The following XKR6 variants were observed in gnomAD, a reference collection of about 807,000 sequenced individuals.
The protein encoded by XKR6 is XK-related protein 6.
In XKR6, 22 loss-of-function variants were observed where a neutral mutation model predicts 56.7. That is an observed-to-expected ratio of 0.39 (90% confidence interval 0.28 to 0.55). XKR6 has a LOEUF of 0.55. Ranked by LOEUF, XKR6 falls within the 20% of genes least tolerant of loss-of-function variation. The pLI, the probability that XKR6 is intolerant of heterozygous loss-of-function variation, is 0.66. For missense variants in XKR6, 852 were observed against 889.0 expected, an observed-to-expected ratio of 0.96 and a Z score of 0.53; for synonymous variants, 524 against 387.8, an observed-to-expected ratio of 1.35 and a Z score of -4.13.
At chr8:11,139,742 C>T (rs1169788572) in intron 1 of XKR6, among the ~76,000 whole-genome samples, 2 of 152,208 alleles carry the variant, frequency 1.3e-5, no homozygotes, top group East Asian at 3.8e-4. Flanking sequence ...GGGGCTGTAA[C>T]AGGGCAGTGT....
intron 1 of XKR6, among the ~76,000 whole-genome samples, chr8:10,984,732 C>CTCTCTCTCTCTCTCTCTCTCTATATATA: frequency 3.8e-4 from 18 of 47,484 alleles, no homozygotes; most frequent in Non-Finnish European, 7.1e-4. Flanking sequence ...CTCTCTCTCT[C>CTCTCTCTCTCTCTCTCTCTCTATATATA]TATATATATA....
rs189089652 is a variant in XKR6 at position 11,112,144 on chromosome 8, T to C, written c.764+88432A>G. On this transcript the variant is annotated intron_variant, in intron 1 of 2. Transcript: ENST00000416569. ...ATAGAGTATTTACTGGGTCAAAATA[T>C]CTCCACATTCATAATTTGAGCCTTT... Among the ~76,000 whole-genome samples, 453 of 152,316 alleles carry C rather than the reference T, an allele frequency of 3.0e-3. 2 individuals carry two copies. Among genetic ancestry groups the C allele is most frequent in the Admixed American group, 4.3e-3 (66 of 15,300 alleles).
At chr8:11,179,329 G>T (rs1244628249) in intron 1 of XKR6, among the ~76,000 whole-genome samples, 2 of 152,030 alleles carry the variant, frequency 1.3e-5, no homozygotes, top group African/African-American at 4.8e-5. Flanking sequence ...GGTAATACTG[G>T]ACTTTAGCCA....
chr8:11,060,184 C>T (rs1799794338), intron 1 of XKR6, among the ~76,000 whole-genome samples: 1 of 152,170 alleles, frequency 6.6e-6, no homozygotes, highest in African/African-American at 2.4e-5. Context: ...ACCCCAAGTT[C>T]TGGGCTTAGG....
chr8:10,908,225 G>A (rs1001390403), intron 2 of XKR6, among the ~76,000 whole-genome samples: 3 of 152,166 alleles, frequency 2.0e-5, no homozygotes, highest in South Asian at 2.1e-4. Context: ...CACATGCAAC[G>A]AGCATGAAGG....
At chr8:11,190,204 A>G (rs776255277) in intron 1 of XKR6, among the ~76,000 whole-genome samples, 54 of 120,978 alleles carry the variant, frequency 4.5e-4, no homozygotes, top group Middle Eastern at 4.2e-3. Context: ...AGAAAGAAAG[A>G]AAAGAAAGAA....
At chr8:10,943,607 C>A (rs1395083459) in intron 1 of XKR6, among the ~76,000 whole-genome samples, 1 of 152,192 alleles carries the variant, frequency 6.6e-6, no homozygotes, top group Non-Finnish European at 1.5e-5. Flanking sequence ...CGCTCGTCCT[C>A]CCGTAGCTAC....
intron 1 of XKR6, among the ~76,000 whole-genome samples, chr8:10,964,420 G>C (rs898656992): frequency 2.0e-5 from 3 of 152,154 alleles, no homozygotes; most frequent in African/African-American, 7.2e-5. Flanking sequence ...CCACTCACAA[G>C]TGACGTTCCT....
In XKR6 at chr8:10,955,924, T is replaced by G. The variant is rs114945760; in HGVS notation, c.765-31094A>C. Among the ~76,000 whole-genome samples the G allele has an allele frequency of 8.9e-3, 1,350 of 152,342 alleles. 21 individuals carry two copies. The highest frequency in any genetic ancestry group is 0.03 in the African/African-American group (1,240 of 41,570). ...GAGGGAAGCTGTGGCCATGGGGCGA[T>G]TCCTTGTTGCCCTGGGCTTCAGGGC... On this transcript the variant is annotated intron_variant, in intron 1 of 2. Transcript: ENST00000416569.
chr8:11,110,092 C>A (rs934865505), intron 1 of XKR6, among the ~76,000 whole-genome samples: 11 of 152,162 alleles, frequency 7.2e-5, no homozygotes, highest in Non-Finnish European at 1.2e-4. Flanking sequence ...CCTGCCTTAG[C>A]CTCCTGAGTA....
At chr8:11,165,930 C>A (rs1287500767) in intron 1 of XKR6, among the ~76,000 whole-genome samples, 1 of 145,348 alleles carries the variant, frequency 6.9e-6, no homozygotes, top group Non-Finnish European at 1.5e-5. Flanking sequence ...TGGATACATT[C>A]ATGTATATAT....
intron 1 of XKR6, among the ~76,000 whole-genome samples, chr8:11,024,147 T>A (rs2129149436): frequency 6.6e-6 from 1 of 152,036 alleles, no homozygotes; most frequent in Non-Finnish European, 1.5e-5. Flanking sequence ...CCCTCAAGTT[T>A]AAATGAGATA....
chr8:11,097,957 A>G (rs1339639683), intron 1 of XKR6, among the ~76,000 whole-genome samples: 1 of 152,012 alleles, frequency 6.6e-6, no homozygotes, highest in African/African-American at 2.4e-5. Context: ...AAATAATCAC[A>G]TGCCCATCAA....
intron 1 of XKR6, among the ~76,000 whole-genome samples, chr8:11,040,799 A>T (rs1799267376): frequency 6.6e-6 from 1 of 152,094 alleles, no homozygotes; most frequent in East Asian, 1.9e-4. Flanking sequence ...CAACACATGC[A>T]TTTGGGGGAC....
intron 1 of XKR6, chr8:11,123,909 C>T: frequency 4.4e-6 from 2 of 456,234 alleles, no homozygotes; most frequent in South Asian, 3.1e-5. Context: ...TTCCCTCCCT[C>T]ATGATGTTCT....
intron 1 of XKR6, among the ~76,000 whole-genome samples, chr8:10,954,694 T>C (rs11996961): frequency 0.19 from 28,384 of 152,012 alleles, 3,694 homozygotes; most frequent in African/African-American, 0.37. Context: ...TCTTTTGTCA[T>C]TTGTGCTTTT....
At chr8:11,051,215 G>T (rs1799539314) in intron 1 of XKR6, among the ~76,000 whole-genome samples, 2 of 151,734 alleles carry the variant, frequency 1.3e-5, no homozygotes, top group African/African-American at 4.8e-5. Context: ...CTTCTTCCTG[G>T]TTTGCTTCTA....
chr8:11,133,552 G>A (rs527350115), intron 1 of XKR6, among the ~76,000 whole-genome samples: 5 of 152,118 alleles, frequency 3.3e-5, no homozygotes, highest in South Asian at 2.1e-4. Flanking sequence ...CACACTCTCC[G>A]GGGAGACTGA....
chr8:11,135,128 G>T (rs1040466529), intron 1 of XKR6, among the ~76,000 whole-genome samples: 1 of 151,640 alleles, frequency 6.6e-6, no homozygotes, highest in African/African-American at 2.4e-5. Context: ...CGCCTCCCGG[G>T]TTCACGCCAT....
Sources: gnomAD v4.1 joint callset for allele counts (sites outside exome capture counted in the v4.1 genomes callset) on GRCh38, gnomAD v4.1.1 for gene constraint, MANE v1.5 for transcripts, NCBI Gene and HGNC (gene_info 2026-07-23, HGNC 2026-07-21) for gene names.